Variants in QTMAN observed in about 807,000 individuals in gnomAD.
QTMAN encodes the protein queuosine-tRNA mannosyltransferase, also known as tRNA-queuosine alpha-mannosyltransferase.
chr2:144,300,333 T>C, the QTMAN span, among the ~76,000 whole-genome samples: 1 of 152,282 alleles, frequency 6.6e-6, no homozygotes, highest in East Asian at 1.9e-4. Flanking sequence ...CCAAATGATA[T>C]ACAAATTGTA....
chr2:144,103,025 T>G, the QTMAN span, among the ~76,000 whole-genome samples: 1 of 152,182 alleles, frequency 6.6e-6, no homozygotes, highest in Non-Finnish European at 1.5e-5. Flanking sequence ...CTGAGAGTCC[T>G]AATGATCCTT....
chr2:144,231,478 T>C, the QTMAN span, among the ~76,000 whole-genome samples: 1 of 152,080 alleles, frequency 6.6e-6, no homozygotes, highest in Non-Finnish European at 1.5e-5. Flanking sequence ...TATATTATAT[T>C]CCTAAAAAAT....
the QTMAN span, among the ~76,000 whole-genome samples, chr2:143,960,398 G>A: frequency 6.6e-6 from 1 of 152,056 alleles, no homozygotes; most frequent in Non-Finnish European, 1.5e-5. Context: ...CATCTTCAGG[G>A]AACACTGACT....
chr2:144,241,823 T>C, the QTMAN span, among the ~76,000 whole-genome samples: 2 of 150,848 alleles, frequency 1.3e-5, no homozygotes, highest in Non-Finnish European at 2.9e-5. Flanking sequence ...TTCTACCACA[T>C]GCCAGAAAGA....
chr2:144,159,444 T>C, the QTMAN span, among the ~76,000 whole-genome samples: 2 of 152,046 alleles, frequency 1.3e-5, no homozygotes, highest in African/African-American at 4.8e-5. Flanking sequence ...ACCAACCACT[T>C]TCTCATCATG....
chr2:143,995,342 A>G, the QTMAN span, among the ~76,000 whole-genome samples: 3 of 152,268 alleles, frequency 2.0e-5, no homozygotes, highest in East Asian at 5.8e-4. Flanking sequence ...AGAGTTAAGA[A>G]AAAATTGATT....
chr2:144,007,442 C>A, the QTMAN span: 1 of 1,613,226 alleles, frequency 6.2e-7, no homozygotes, highest in Non-Finnish European at 8.5e-7. Context: ...TCTGCTCTGG[C>A]TGAAAAGGAA....
At chr2:144,083,959 G>A in the QTMAN span, among the ~76,000 whole-genome samples, 3 of 152,166 alleles carry the variant, frequency 2.0e-5, no homozygotes, top group African/African-American at 7.2e-5. Flanking sequence ...TAAACATGTG[G>A]TCTGCTTGTT....
chr2:144,225,888 C>T, the QTMAN span, among the ~76,000 whole-genome samples: 2 of 152,212 alleles, frequency 1.3e-5, no homozygotes, highest in Non-Finnish European at 2.9e-5. Context: ...AATCAGATCT[C>T]AATTCCTTGG....
the QTMAN span, among the ~76,000 whole-genome samples, chr2:143,947,864 AGAAG>A: frequency 3.3e-5 from 5 of 151,938 alleles, no homozygotes; most frequent in Admixed American, 6.6e-5. Flanking sequence ...GAGGAGGTGA[AGAAG>A]GAAGGAAGGA....
chr2:144,169,347 C>A, the QTMAN span, among the ~76,000 whole-genome samples: 1 of 152,124 alleles, frequency 6.6e-6, no homozygotes, highest in Non-Finnish European at 1.5e-5. Flanking sequence ...AAACTGACAG[C>A]ATAATATACA....
chr2:143,974,551 A>G, the QTMAN span, among the ~76,000 whole-genome samples: 38 of 152,370 alleles, frequency 2.5e-4, no homozygotes, highest in African/African-American at 9.1e-4. Context: ...TATTCAAGAA[A>G]TACTGTAAAG....
the QTMAN span, among the ~76,000 whole-genome samples, chr2:144,313,932 A>G: frequency 6.6e-6 from 1 of 151,986 alleles, no homozygotes; most frequent in African/African-American, 2.4e-5. Flanking sequence ...TTGAACTAAC[A>G]ATGCATGGTA....
chr2:143,998,524 T>A, the QTMAN span, among the ~76,000 whole-genome samples: 2 of 150,400 alleles, frequency 1.3e-5, no homozygotes, highest in African/African-American at 2.4e-5. Flanking sequence ...AAAAAAAAAA[T>A]AAATGAAAAC....
chr2:144,069,385 T>A, the QTMAN span, among the ~76,000 whole-genome samples: 657 of 151,940 alleles, frequency 4.3e-3, 5 homozygotes, highest in African/African-American at 0.015. Flanking sequence ...AATAAATACA[T>A]TTCTGAAATG....
At chr2:144,063,126 A>T in the QTMAN span, among the ~76,000 whole-genome samples, 1 of 152,250 alleles carries the variant, frequency 6.6e-6, no homozygotes, top group Non-Finnish European at 1.5e-5. Context: ...AGACTGGAAC[A>T]AGAGGCCATC....
At chr2:144,321,065 A>G in the QTMAN span, among the ~76,000 whole-genome samples, 1 of 152,304 alleles carries the variant, frequency 6.6e-6, no homozygotes, top group African/African-American at 2.4e-5. Flanking sequence ...AACATCTCTT[A>G]TGTTTTAGCA....
chr2:144,132,709 G>C, the QTMAN span, among the ~76,000 whole-genome samples: 1 of 151,452 alleles, frequency 6.6e-6, no homozygotes, highest in African/African-American at 2.4e-5. Flanking sequence ...AGAATTACTA[G>C]AGTTTTCAGA....
chr2:144,271,686 T>C, the QTMAN span, among the ~76,000 whole-genome samples: 1 of 152,172 alleles, frequency 6.6e-6, no homozygotes, highest in Non-Finnish European at 1.5e-5. Flanking sequence ...TACAGGGCTC[T>C]TTCCAGAATG....
Sources: gnomAD v4.1 joint callset for allele counts (sites outside exome capture counted in the v4.1 genomes callset) on GRCh38, gnomAD v4.1.1 for gene constraint, MANE v1.5 for transcripts, NCBI Gene and HGNC (gene_info 2026-07-23, HGNC 2026-07-21) for gene names.